UTRN: variants seen among roughly 807,000 people sequenced by gnomAD.
UTRN encodes the protein dystrophin-related protein 1.
Under a neutral mutation model 463.9 loss-of-function variants are expected in UTRN, and 283 were observed. The ratio of observed to expected loss-of-function variants is 0.61; its 90% CI spans 0.55 to 0.67. UTRN has a LOEUF of 0.67. Ranked by LOEUF, UTRN falls within the 30% of genes least tolerant of loss-of-function variation. The pLI is 0.00. For missense variants in UTRN, 3,922 were observed against 4,084.3 expected, an observed-to-expected ratio of 0.96 and a Z score of 1.08; for synonymous variants, 1,442 against 1,431.5, an observed-to-expected ratio of 1.01 and a Z score of -0.17.
At chr6:144,537,163 T>C (rs1367214253) in intron 43 of UTRN, among the ~76,000 whole-genome samples, 1 of 152,118 alleles carries the variant, frequency 6.6e-6, no homozygotes, top group African/African-American at 2.4e-5. Flanking sequence ...ACATGTCATA[T>C]AATGATTCCT....
At chr6:144,527,957 C>T (rs867454928) in intron 41 of UTRN, among the ~76,000 whole-genome samples, 4 of 151,444 alleles carry the variant, frequency 2.6e-5, no homozygotes, top group Non-Finnish European at 5.9e-5. Flanking sequence ...GTTTAATAAT[C>T]GACCTTCTGA....
At chr6:144,440,747 A>G (rs1787070279) in intron 13 of UTRN, among the ~76,000 whole-genome samples, 1 of 152,156 alleles carries the variant, frequency 6.6e-6, no homozygotes, top group Non-Finnish European at 1.5e-5. Context: ...AGCACAGTGT[A>G]TTAGTCCGTT....
chr6:144,730,270 G>T, intron 53 of UTRN, 87 bp from the exon 54 acceptor site: 1 of 1,314,776 alleles, frequency 7.6e-7, no homozygotes, highest in South Asian at 2.6e-5. Flanking sequence ...CTTGCTAAGT[G>T]TGGTCAGAAG....
intron 30 of UTRN, among the ~76,000 whole-genome samples, chr6:144,489,278 T>C (rs1792795243): frequency 6.6e-6 from 1 of 152,126 alleles, no homozygotes; most frequent in African/African-American, 2.4e-5. Context: ...CTTGAACTCC[T>C]GACTTCAAGT....
At chr6:144,709,205 T>C (rs1162483258) in intron 53 of UTRN, among the ~76,000 whole-genome samples, 1 of 152,158 alleles carries the variant, frequency 6.6e-6, no homozygotes, top group African/African-American at 2.4e-5. Context: ...ATCTCTTCTT[T>C]AAGGGAATAC....
intron 51 of UTRN, among the ~76,000 whole-genome samples, chr6:144,631,211 G>A (rs933156915): frequency 2.7e-5 from 4 of 146,070 alleles, no homozygotes; most frequent in Non-Finnish European, 6.0e-5. Context: ...GAAAGAGAGA[G>A]TGAGTGTGTG....
chr6:144,814,525 A>G (rs1371923135), intron 65 of UTRN, among the ~76,000 whole-genome samples: 1 of 152,206 alleles, frequency 6.6e-6, no homozygotes, highest in African/African-American at 2.4e-5. Context: ...TTTTGTTATA[A>G]AAGTTTAGGA....
At chr6:144,488,050 G>A (rs1255792778) in intron 29 of UTRN, among the ~76,000 whole-genome samples, 1 of 152,168 alleles carries the variant, frequency 6.6e-6, no homozygotes, top group Non-Finnish European at 1.5e-5. Context: ...GAAAGCCATA[G>A]TCTCTTAGTT....
At chr6:144,664,185 T>C (rs1254209782) in intron 51 of UTRN, among the ~76,000 whole-genome samples, 1 of 152,176 alleles carries the variant, frequency 6.6e-6, no homozygotes, top group Non-Finnish European at 1.5e-5. Flanking sequence ...GAAATGAGAT[T>C]ATATACCAAT....
chr6:144,805,847 A>G (rs1034610434), intron 65 of UTRN, among the ~76,000 whole-genome samples: 2 of 152,146 alleles, frequency 1.3e-5, no homozygotes, highest in African/African-American at 4.8e-5. Context: ...GTAACCAGGG[A>G]ACAGAAAGAA....
At chr6:144,735,315 G>A (rs190171089) in intron 54 of UTRN, among the ~76,000 whole-genome samples, 18 of 152,268 alleles carry the variant, frequency 1.2e-4, no homozygotes, top group Admixed American at 8.5e-4. Flanking sequence ...GATTAAGTTC[G>A]GGAAAGAGGA....
intron 34 of UTRN, among the ~76,000 whole-genome samples, chr6:144,504,792 G>A (rs933223279): frequency 6.6e-5 from 10 of 152,148 alleles, no homozygotes; most frequent in African/African-American, 2.4e-4. Context: ...TTAGGGAGGA[G>A]TCCCTCTCTT....
At chr6:144,602,434 C>T (rs1036103880) in intron 51 of UTRN, among the ~76,000 whole-genome samples, 1 of 152,048 alleles carries the variant, frequency 6.6e-6, no homozygotes, top group African/African-American at 2.4e-5. Flanking sequence ...CCACTGTGCC[C>T]GGCCTCCTAC....
chr6:144,757,262 CA>C (rs921202696), intron 57 of UTRN, among the ~76,000 whole-genome samples: 3 of 141,968 alleles, frequency 2.1e-5, no homozygotes, highest in African/African-American at 7.6e-5. Context: ...AAAAGTACCT[CA>C]ATTTAAAAAC....
intron 1 of UTRN, among the ~76,000 whole-genome samples, chr6:144,290,949 T>G (rs9403559): frequency 6.8e-6 from 1 of 146,038 alleles, no homozygotes; most frequent in East Asian, 2.0e-4. Flanking sequence ...TTTTTTTTTG[T>G]ATTTTTAGTA....
At chr6:144,813,115 G>A (rs1778765678) in intron 65 of UTRN, among the ~76,000 whole-genome samples, 2 of 152,100 alleles carry the variant, frequency 1.3e-5, no homozygotes, top group African/African-American at 4.8e-5. Context: ...GGCATCTGGG[G>A]AAGATGGTGG....
chr6:144,595,008 A>G (rs181516658), intron 51 of UTRN, among the ~76,000 whole-genome samples: 2 of 152,324 alleles, frequency 1.3e-5, no homozygotes, highest in South Asian at 2.1e-4. Context: ...AATCATATCT[A>G]TAAAATATGC....
intron 25 of UTRN, among the ~76,000 whole-genome samples, chr6:144,479,528 A>G (rs762992116): frequency 2.0e-5 from 3 of 152,160 alleles, no homozygotes; most frequent in Non-Finnish European, 2.9e-5. Flanking sequence ...TTAGATTCCT[A>G]CATCTGGGAT....
intron 51 of UTRN, among the ~76,000 whole-genome samples, chr6:144,635,535 C>CTTTTTTTTTTTTTTTT (rs1219903798): frequency 3.0e-5 from 1 of 33,184 alleles, no homozygotes; most frequent in Non-Finnish European, 5.3e-5. Context: ...TTTTTCTTTT[C>CTTTTTTTTTTTTTTTT]TTTTTTTTTT....
Sources: allele counts gnomAD v4.1 joint callset (sites outside exome capture counted in the v4.1 genomes callset), GRCh38; gene constraint gnomAD v4.1.1; transcripts MANE v1.5; gene names NCBI Gene and HGNC (gene_info 2026-07-23, HGNC 2026-07-21).